The following FAF1 variants were observed in gnomAD, a reference collection of about 807,000 sequenced individuals.
The protein encoded by FAF1 is Fas associated factor 1, also known as FAS-associated factor 1.
FAF1 carries 25 observed loss-of-function variants against 92.5 expected under a neutral mutation model. The observed-to-expected ratio is 0.27, with a 90% confidence interval of 0.20 to 0.38. The LOEUF is 0.38. FAF1 is among the 10% of genes least tolerant of loss of function. FAF1 has a pLI of 1.00. For missense variants in FAF1, 636 were observed against 793.3 expected (o/e 0.80, Z 2.38); for synonymous variants, 234 against 273.2 (o/e 0.86, Z 1.42).
intron 2 of FAF1, among the ~76,000 whole-genome samples, chr1:50,844,567 C>G (rs571227726): frequency 9.3e-5 from 14 of 150,592 alleles, no homozygotes; most frequent in South Asian, 4.2e-4. Flanking sequence ...GAATCTGAAT[C>G]TAGAGTCTGA....
intron 1 of FAF1, among the ~76,000 whole-genome samples, chr1:50,951,738 T>A (rs1645215685): frequency 6.6e-6 from 1 of 152,230 alleles, no homozygotes; most frequent in South Asian, 2.1e-4. Flanking sequence ...GTAACAAGAT[T>A]ACTTGCTCCC....
In FAF1 at chr1:50,705,150, A is replaced by G. The variant is rs1469590386; in HGVS notation, c.657+636T>C. 2.0e-5 allele frequency among the ~76,000 whole-genome samples: 3 copies of G among 152,238 alleles called. No individual in the cohort carries two copies. In the East Asian group the frequency reaches 5.8e-4, roughly 29 times the overall value. On this transcript the variant is annotated intron_variant, in intron 7 of 18. Transcript: ENST00000396153. Reference sequence around the variant, plus strand: ...TGTTCCCCCCACCCTCCATGAAGATAGAATTACTAGCTTTTAGGTGGCTGG... The same window carrying G: ...TGTTCCCCCCACCCTCCATGAAGATGGAATTACTAGCTTTTAGGTGGCTGG...
At chr1:50,932,856 G>A (rs1645059092) in intron 1 of FAF1, among the ~76,000 whole-genome samples, 2 of 152,210 alleles carry the variant, frequency 1.3e-5, no homozygotes, top group Non-Finnish European at 2.9e-5. Flanking sequence ...AATCGAGGCA[G>A]AAGTTCTCAA....
At chr1:50,885,295 T>TTCTCTCTCTCTCTCTCTCTCTCTCTC (rs147647466) in intron 1 of FAF1, among the ~76,000 whole-genome samples, 19 of 137,378 alleles carry the variant, frequency 1.4e-4, no homozygotes, top group Admixed American at 2.8e-4. Context: ...CCGTGTCTCT[T>TTCTCTCTCTCTCTCTCTCTCTCTCTC]TCTCTCTCTC....
At chr1:50,883,737 A>AT (rs1241757112) in intron 1 of FAF1, among the ~76,000 whole-genome samples, 2 of 152,172 alleles carry the variant, frequency 1.3e-5, no homozygotes, top group African/African-American at 2.4e-5. Context: ...TGTAAAAAAA[A>AT]TTTTTTCAGC....
chr1:50,764,667 C>A (rs1051055329), intron 4 of FAF1, among the ~76,000 whole-genome samples: 1 of 152,282 alleles, frequency 6.6e-6, no homozygotes, highest in African/African-American at 2.4e-5. Context: ...TGCCTGCAAG[C>A]AGTTGTTTCA....
chr1:50,936,783 T>A (rs1192592587), intron 1 of FAF1, among the ~76,000 whole-genome samples: 1 of 152,048 alleles, frequency 6.6e-6, no homozygotes, highest in Non-Finnish European at 1.5e-5. Context: ...AGACTCTTCA[T>A]GTACATTAAT....
Position 50,801,694 on chromosome 1 carries a change from G to C in FAF1, c.115-17C>G. 1 of 1,547,894 alleles carries C rather than the reference G, an allele frequency of 6.5e-7. No homozygotes were observed. Among genetic ancestry groups the C allele is most frequent in the Non-Finnish European group, 8.9e-7 (1 of 1,120,594 alleles). On this transcript the variant is annotated splice_polypyrimidine_tract_variant and intron_variant, in intron 2 of 18. Coordinates refer to ENST00000396153, the MANE Select transcript of FAF1 (RefSeq NM_007051.3). ...GATAGCTGCCTGCAAACAAGAAACA[G>C]AGAAGGCCATTTAAAGAAACAGATA...
At chr1:50,490,479 AAGG>A (rs1351268742) in intron 17 of FAF1, 106 bp downstream of exon 17, 4 of 629,022 alleles carry the variant, frequency 6.4e-6, no homozygotes, top group African/African-American at 4.3e-5. Flanking sequence ...AGAAGGAAGG[AAGG>A]AAGGAAGGAA....
intron 15 of FAF1, among the ~76,000 whole-genome samples, chr1:50,506,188 C>G (rs1647056102): frequency 6.6e-6 from 1 of 152,176 alleles, no homozygotes; most frequent in Admixed American, 6.5e-5. Context: ...ACCCACCTGT[C>G]TTAGAGGCTT....
rs757689865 is a variant in FAF1 at position 50,584,795 on chromosome 1, T to A, written c.857A>T (p.His286Leu). 2 of 1,613,274 alleles carry A rather than the reference T, an allele frequency of 1.2e-6. No individual in the cohort carries two copies. The highest frequency in any genetic ancestry group is 8.5e-7 in the Non-Finnish European group (1 of 1,179,514). Residue 286 changes from histidine to leucine, a missense_variant, in exon 10 of 19, where the codon CAT becomes CTT. This residue lies in a region of FAF1 where 319 missense variants were observed against 451.0 expected (regional missense o/e 0.71). Coordinates refer to ENST00000396153, the MANE Select transcript of FAF1 (RefSeq NM_007051.3). ...EQSEEQITDVHMVSDSDGDDF... is the reference protein window; with the variant it reads ...EQSEEQITDVLMVSDSDGDDF... ...ATCTCCATCGCTATCACTAACCATA[T>A]GAACATCGGTGATTTGCTATTTAAG...
At chr1:50,751,316 T>C (rs1249138505) in intron 4 of FAF1, among the ~76,000 whole-genome samples, 1 of 152,048 alleles carries the variant, frequency 6.6e-6, no homozygotes, top group Admixed American at 6.5e-5. Context: ...TTCAGCACTA[T>C]TCAGCATTTC....
intron 1 of FAF1, among the ~76,000 whole-genome samples, chr1:50,930,894 C>T (rs1418239041): frequency 6.6e-6 from 1 of 152,162 alleles, no homozygotes; most frequent in Non-Finnish European, 1.5e-5. Flanking sequence ...GGTTAGAAAG[C>T]AGAAAAACTG....
Position 50,582,514 on chromosome 1 carries a change from A to G in FAF1, c.1113+104T>C. ...TTCGTGAAGAGTTCCATGTTTTTGG[A>G]AAAAAACAAAAACAAAAACAGAAAA... is the stretch of plus-strand genomic sequence containing the variant. On this transcript the variant is annotated intron_variant, in intron 12 of 18. Transcript: ENST00000396153. The G allele has an allele frequency of 4.0e-6, 3 of 758,486 alleles. No individual in the cohort carries two copies. The South Asian group carries it at 5.1e-5, about 13-fold the overall frequency. 47.0% of individuals were successfully genotyped at this position (758,486 alleles called of 1,614,324 possible). A position where few individuals can be genotyped will look rare whatever the true frequency, so the allele number is the denominator to read the frequency against.
chr1:50,872,670 G>A (rs1644537986), intron 1 of FAF1, among the ~76,000 whole-genome samples: 1 of 152,154 alleles, frequency 6.6e-6, no homozygotes, highest in African/African-American at 2.4e-5. Context: ...GCCGAGGCAG[G>A]CAGAACACCT....
At chr1:50,772,073 T>C (rs1184585020) in intron 4 of FAF1, among the ~76,000 whole-genome samples, 1 of 152,080 alleles carries the variant, frequency 6.6e-6, no homozygotes, top group African/African-American at 2.4e-5. Flanking sequence ...TAGTGAAAAA[T>C]TGTAGATGTT....
chr1:50,536,726 T>A (rs143026851), intron 14 of FAF1, among the ~76,000 whole-genome samples: 2 of 152,262 alleles, frequency 1.3e-5, no homozygotes, highest in Non-Finnish European at 2.9e-5. Context: ...TTACAAGCTA[T>A]ATAATCTAGT....
intron 18 of FAF1, chr1:50,461,589 G>C (rs983991627): frequency 1.3e-5 from 2 of 152,110 alleles, no homozygotes; most frequent in African/African-American, 2.4e-5. Flanking sequence ...TTCCCAGAGG[G>C]CCCTGACATA....
intron 1 of FAF1, among the ~76,000 whole-genome samples, chr1:50,879,927 A>G (rs1284367309): frequency 6.6e-6 from 1 of 152,234 alleles, no homozygotes; most frequent in East Asian, 1.9e-4. Flanking sequence ...AATCTGCCTA[A>G]GAGAACTCCA....
Sources: allele counts gnomAD v4.1 joint callset (sites outside exome capture counted in the v4.1 genomes callset), GRCh38; gene constraint gnomAD v4.1.1; regional missense constraint gnomAD v4.1.1; transcripts MANE v1.5; gene names NCBI Gene and HGNC (gene_info 2026-07-23, HGNC 2026-07-21).